LRFN2: variants seen among roughly 807,000 people sequenced by gnomAD.
The protein encoded by LRFN2 is leucine-rich repeat and fibronectin type-III domain-containing protein 2.
LRFN2 carries 18 observed loss-of-function variants against 37.3 expected under a neutral mutation model. That is an observed-to-expected ratio of 0.48 (90% CI 0.33 to 0.72). The LOEUF (loss-of-function observed/expected upper bound fraction) is 0.72. Among genes scored for constraint, LRFN2 ranks in the 30% least tolerant of loss-of-function variants. LRFN2 has a pLI of 0.02. For missense variants in LRFN2, 1,006 were observed against 1,060.7 expected (o/e 0.95, Z 0.72); for synonymous variants, 556 against 466.6 (o/e 1.19, Z -2.47).
At chr6:40,461,501 A>C (rs1764346977) in intron 1 of LRFN2, among the ~76,000 whole-genome samples, 1 of 152,106 alleles carries the variant, frequency 6.6e-6, no homozygotes, top group African/African-American at 2.4e-5. Flanking sequence ...CATAGCAAAT[A>C]ATTTTTTGAG....
Position 40,392,563 on chromosome 6 carries a change from G to T in LRFN2, c.1750C>A (p.Pro584Thr). 1 of 1,602,616 alleles carries T rather than the reference G, an allele frequency of 6.2e-7. No homozygotes were observed. The highest frequency in any genetic ancestry group is 1.3e-5 in the African/African-American group (1 of 74,972). ...GCTGGTGCGCTGCTTGGAGGCGGTG[G>T]CTGGGCGCCGTTGGTCTGCGAGTAC... ...NVYSQTNGAQ[P>T]PPPSSAPAGA... The change falls in exon 3 of 3, where the codon CCA becomes ACA. Residue 584 changes from proline to threonine, a missense_variant. By Grantham distance (38) the Pro-to-Thr change is conservative (BLOSUM62 -1). Around this residue, in one of 4 missense-constraint regions of LRFN2, gnomAD observed 398 missense variants for 327.6 expected, o/e 1.21. Coordinates refer to ENST00000338305, the MANE Select transcript of LRFN2 (RefSeq NM_020737.3). This position sits in a 1 kb window ranked among gnomAD's most constrained non-coding sequence, Gnocchi z 4.7.
At chr6:40,518,460 T>C (rs182491190) in intron 1 of LRFN2, among the ~76,000 whole-genome samples, 14 of 152,030 alleles carry the variant, frequency 9.2e-5, no homozygotes, top group Admixed American at 7.9e-4. Context: ...ATTTGGGAGG[T>C]CTGGTTGCAG....
intron 1 of LRFN2, among the ~76,000 whole-genome samples, chr6:40,457,520 C>T (rs964947483): frequency 6.6e-6 from 1 of 151,692 alleles, no homozygotes; most frequent in African/African-American, 2.4e-5. Context: ...CACCTGTAAT[C>T]CCAGCACCTT....
chr6:40,525,014 T>C (rs1417033713), intron 1 of LRFN2, among the ~76,000 whole-genome samples: 1 of 152,076 alleles, frequency 6.6e-6, no homozygotes, highest in East Asian at 1.9e-4. Flanking sequence ...TTTAGGAGAG[T>C]CACTTCCCCT....
At chr6:40,400,879 G>A (rs951576479) in intron 2 of LRFN2, among the ~76,000 whole-genome samples, 39 of 151,786 alleles carry the variant, frequency 2.6e-4, no homozygotes, top group African/African-American at 8.9e-4. Flanking sequence ...AGCTGAATGT[G>A]TGGGTATTTG....
chr6:40,512,914 G>C (rs1207942535), intron 1 of LRFN2, among the ~76,000 whole-genome samples: 1 of 152,220 alleles, frequency 6.6e-6, no homozygotes, highest in Non-Finnish European at 1.5e-5. Context: ...TCCAGGGCAG[G>C]ATGGGGTTAG....
intron 1 of LRFN2, among the ~76,000 whole-genome samples, chr6:40,528,483 C>T (rs552338205): frequency 7.9e-5 from 12 of 152,186 alleles, no homozygotes; most frequent in Non-Finnish European, 1.5e-4. Flanking sequence ...CCACGGCTGT[C>T]CTTGTGGAGC....
chr6:40,434,321 C>A (rs1213810819), intron 1 of LRFN2, among the ~76,000 whole-genome samples: 1 of 152,174 alleles, frequency 6.6e-6, no homozygotes, highest in African/African-American at 2.4e-5. Flanking sequence ...TCCTCACTAT[C>A]CCATGTTGTA....
intron 1 of LRFN2, among the ~76,000 whole-genome samples, chr6:40,558,534 G>A (rs1031036329): frequency 4.1e-5 from 6 of 147,814 alleles, no homozygotes; most frequent in African/African-American, 1.5e-4. Context: ...ATGGATCCCA[G>A]GAAGGTAAAG....
At chr6:40,401,767 A>G (rs1279490437) in intron 2 of LRFN2, among the ~76,000 whole-genome samples, 1 of 152,124 alleles carries the variant, frequency 6.6e-6, no homozygotes, top group Non-Finnish European at 1.5e-5. Context: ...CACCTCTTGT[A>G]TCTGCATAAT....
chr6:40,541,169 G>T (rs1010670587), intron 1 of LRFN2, among the ~76,000 whole-genome samples: 1 of 152,170 alleles, frequency 6.6e-6, no homozygotes, highest in African/African-American at 2.4e-5. Flanking sequence ...AGCCATCAGC[G>T]GGTCCCAGGC....
intron 1 of LRFN2, among the ~76,000 whole-genome samples, chr6:40,581,064 G>T (rs974292761): frequency 2.0e-5 from 3 of 152,122 alleles, no homozygotes; most frequent in African/African-American, 7.2e-5. Flanking sequence ...GGAGGAAAGA[G>T]ACACCCTCAT....
chr6:40,474,630 G>A (rs1042260277), intron 1 of LRFN2, among the ~76,000 whole-genome samples: 3 of 152,008 alleles, frequency 2.0e-5, no homozygotes, highest in African/African-American at 7.2e-5. Flanking sequence ...GCTGGGATTA[G>A]AGGGGTATGC....
intron 1 of LRFN2, among the ~76,000 whole-genome samples, chr6:40,496,726 G>A (rs892829994): frequency 2.0e-5 from 3 of 151,934 alleles, no homozygotes; most frequent in Non-Finnish European, 4.4e-5. Flanking sequence ...GTGCTTAAAA[G>A]CATTTTCCTG....
chr6:40,476,410 C>A (rs1196939857), intron 1 of LRFN2, among the ~76,000 whole-genome samples: 1 of 152,250 alleles, frequency 6.6e-6, no homozygotes, highest in Non-Finnish European at 1.5e-5. Context: ...TCCCCAACCT[C>A]ACTGTAAGAA....
At chr6:40,420,474 C>A (rs1204224470) in intron 2 of LRFN2, among the ~76,000 whole-genome samples, 1 of 152,234 alleles carries the variant, frequency 6.6e-6, no homozygotes, top group Admixed American at 6.5e-5. Flanking sequence ...GCAGCCCCAT[C>A]AGCTTCCCCC....
chr6:40,544,760 T>A (rs1175356235), intron 1 of LRFN2, among the ~76,000 whole-genome samples: 1 of 152,156 alleles, frequency 6.6e-6, no homozygotes, highest in Non-Finnish European at 1.5e-5. Flanking sequence ...AACCTGCATT[T>A]TCATGGTGCA....
intron 1 of LRFN2, among the ~76,000 whole-genome samples, chr6:40,448,641 G>C (rs12525942): frequency 6.6e-6 from 1 of 152,164 alleles, no homozygotes; most frequent in African/African-American, 2.4e-5. Context: ...CCAAAGGACC[G>C]AATCGCTAAT....
chr6:40,393,548 G>A (rs1701202071), intron 2 of LRFN2, among the ~76,000 whole-genome samples: 1 of 152,066 alleles, frequency 6.6e-6, no homozygotes, highest in South Asian at 2.1e-4. Flanking sequence ...GGGAGAGACA[G>A]AGAGGCAGAG....
Sources: allele counts gnomAD v4.1 joint callset (sites outside exome capture counted in the v4.1 genomes callset), GRCh38; gene constraint gnomAD v4.1.1; regional missense constraint gnomAD v4.1.1; non-coding constraint Gnocchi (gnomAD v3.1); transcripts MANE v1.5; gene names NCBI Gene and HGNC (gene_info 2026-07-23, HGNC 2026-07-21).